Variants in HCK observed in about 807,000 individuals in gnomAD.
HCK encodes HCK proto-oncogene, Src family tyrosine kinase.
In HCK, 40 loss-of-function variants were observed where a neutral mutation model predicts 70.4. The observed-to-expected ratio is 0.57, with a 90% CI of 0.44 to 0.74. The LOEUF (loss-of-function observed/expected upper bound fraction) is 0.74. HCK is among the 30% of genes least tolerant of loss of function. The pLI is 0.00. For missense variants in HCK, 568 were observed against 697.2 expected, an observed-to-expected ratio of 0.81 and a Z score of 2.09; for synonymous variants, 245 against 263.2, an observed-to-expected ratio of 0.93 and a Z score of 0.67.
In HCK at chr20:32,097,370, G is replaced by A. The variant is rs191813878; in HGVS notation, c.1247-1634G>A. On this transcript the variant is annotated intron_variant, in intron 11 of 12. Transcript: ENST00000375852. ...TGAGGTGGGAGGATCACGAGGTCAGGAGATCGAGACCATCCTGGCTAACAC... is the reference window on the plus strand; with the variant it reads ...TGAGGTGGGAGGATCACGAGGTCAGAAGATCGAGACCATCCTGGCTAACAC... Among the ~76,000 whole-genome samples, 951 of 152,180 alleles carry A rather than the reference G, an allele frequency of 6.2e-3. 34 individuals are homozygous for A. Among genetic ancestry groups the A allele is most frequent in the Admixed American group, 0.053 (815 of 15,274 alleles).
chr20:32,088,389 A>G (rs1215083845), intron 9 of HCK, among the ~76,000 whole-genome samples, 179 bp from the exon 10 acceptor site: 1 of 152,208 alleles, frequency 6.6e-6, no homozygotes, highest in Admixed American at 6.5e-5. Flanking sequence ...AAGTCACTTC[A>G]CTAAAACTCA....
At chr20:32,067,769 C>G (rs2045480657) in intron 1 of HCK, among the ~76,000 whole-genome samples, 1 of 151,800 alleles carries the variant, frequency 6.6e-6, no homozygotes, top group African/African-American at 2.4e-5. Flanking sequence ...TGGCTCTGAG[C>G]CACAGACGGC....
chr20:32,074,490 T>G, intron 4 of HCK, 133 bp from the exon 5 acceptor site: 1 of 678,946 alleles, frequency 1.5e-6, no homozygotes, highest in South Asian at 1.7e-5. Flanking sequence ...GGGGCTGACA[T>G]AGTCACAGCC....
intron 11 of HCK, among the ~76,000 whole-genome samples, chr20:32,097,061 C>T (rs966132751): frequency 6.6e-6 from 1 of 152,068 alleles, no homozygotes; most frequent in Admixed American, 6.6e-5. Flanking sequence ...GGGCAGATTG[C>T]TTGAGCCCAG....
At chr20:32,076,902 A>G (rs925017320) in intron 5 of HCK, among the ~76,000 whole-genome samples, 1 of 152,050 alleles carries the variant, frequency 6.6e-6, no homozygotes, top group African/African-American at 2.4e-5. Flanking sequence ...CCTGGCCTAC[A>G]TGGTGATACC....
rs2045289094 is a variant in HCK, at chr20:32,057,408, T to C, written c.62+4922T>C. On this transcript the variant is annotated intron_variant, in intron 1 of 12. Transcript: ENST00000375852. ...TGAGCTCAGGAGTTCGAGACCAGCC[T>C]GGGTAACATGGCAAAACCCTGTCTC... 3.3e-5 allele frequency among the ~76,000 whole-genome samples: 5 copies of C among 152,154 alleles called. No homozygotes were observed. In the South Asian group the frequency reaches 1.0e-3, roughly 32 times the overall value.
At chr20:32,069,759 C>T (rs2045511181) in intron 1 of HCK, 3 of 1,278,984 alleles carry the variant, frequency 2.3e-6, no homozygotes, top group Non-Finnish European at 3.1e-6. Flanking sequence ...GAGGTAAATC[C>T]TTGTAAATAA....
chr20:32,062,576 G>A (rs1234490544), intron 1 of HCK, among the ~76,000 whole-genome samples: 1 of 152,188 alleles, frequency 6.6e-6, no homozygotes, highest in Non-Finnish European at 1.5e-5. Context: ...TCGCCATCGT[G>A]TGAGCCAGGG....
chr20:32,059,421 C>CTT (rs1421429584), intron 1 of HCK, among the ~76,000 whole-genome samples: 2 of 148,106 alleles, frequency 1.4e-5, no homozygotes, highest in African/African-American at 2.5e-5. Context: ...CTCTCTCTCT[C>CTT]TTTCTTTCTT....
chr20:32,066,177 C>T (rs2045454078), intron 1 of HCK, among the ~76,000 whole-genome samples: 1 of 152,096 alleles, frequency 6.6e-6, no homozygotes, highest in Non-Finnish European at 1.5e-5. Flanking sequence ...ACCTTCACCC[C>T]ATCCCCTGTT....
chr20:32,096,506 A>G (rs1293859168), intron 11 of HCK, among the ~76,000 whole-genome samples: 2 of 151,414 alleles, frequency 1.3e-5, no homozygotes, highest in Non-Finnish European at 3.0e-5. Flanking sequence ...TCTCAAAAAA[A>G]AAAAAAAAAA....
intron 3 of HCK, among the ~76,000 whole-genome samples, 161 bp downstream of exon 3, chr20:32,073,522 A>T (rs1259618833): frequency 6.6e-6 from 1 of 152,228 alleles, no homozygotes; most frequent in Non-Finnish European, 1.5e-5. Context: ...TGTTTCTAGA[A>T]CGCTGTTTAG....
chr20:32,088,561 C>G lies in HCK; in HGVS notation c.1016-7C>G, dbSNP rs201979534. On this transcript the variant is annotated splice_region_variant and splice_polypyrimidine_tract_variant and intron_variant, in intron 9 of 12. Transcript: ENST00000375852. The stretch of plus-strand genomic sequence containing the variant: ...TAGTAAATGTTCCTCCCCTCTCCCC[C>G]ATATAGGAAGCTTGCTGGACTTTCT... 2 of 1,608,912 alleles carry G rather than the reference C, an allele frequency of 1.2e-6. No homozygotes were observed. Among genetic ancestry groups the G allele is most frequent in the Non-Finnish European group, 1.7e-6 (2 of 1,177,894 alleles).
At chr20:32,095,454 A>C (rs1431427072) in intron 11 of HCK, among the ~76,000 whole-genome samples, 1 of 152,128 alleles carries the variant, frequency 6.6e-6, no homozygotes, top group Non-Finnish European at 1.5e-5. Context: ...ACAGGGTTTC[A>C]CCATGTTGGC....
chr20:32,082,459 T>C (rs1417447074), intron 6 of HCK, among the ~76,000 whole-genome samples: 1 of 151,962 alleles, frequency 6.6e-6, no homozygotes, highest in Non-Finnish European at 1.5e-5. Context: ...CTGGCCAGCA[T>C]GGTGAAACTC....
intron 1 of HCK, among the ~76,000 whole-genome samples, chr20:32,057,576 G>A (rs577296581): frequency 1.3e-5 from 2 of 152,240 alleles, no homozygotes; most frequent in Admixed American, 1.3e-4. Context: ...CTCCAGCCTG[G>A]GTGACAGAGC....
rs771503854 is a variant in HCK, at chr20:32,086,686, G to A, written c.894G>A (p.Ser298=). Residue 298 remains serine (S), a synonymous_variant, in exon 9 of 13, where the codon TCG becomes TCA. Transcript: ENST00000375852. ...AGACGATGAAGCCAGGGAGCATGTC[G>A]GTGGAGGCCTTCCTGGCAGAGGCCA... The A allele has an allele frequency of 9.9e-6, 16 of 1,613,226 alleles. No homozygotes were observed. Among genetic ancestry groups the A allele is most frequent in the East Asian group, 2.2e-5 (1 of 44,740 alleles).
intron 6 of HCK, among the ~76,000 whole-genome samples, chr20:32,080,886 G>A (rs966300830): frequency 6.6e-6 from 1 of 151,968 alleles, no homozygotes; most frequent in South Asian, 2.1e-4. Context: ...CCAAAAGTTC[G>A]AGACCAGCCT....
intron 1 of HCK, among the ~76,000 whole-genome samples, chr20:32,071,317 C>T (rs2045535571): frequency 6.6e-6 from 1 of 152,194 alleles, no homozygotes; most frequent in Non-Finnish European, 1.5e-5. Flanking sequence ...GACCTGAGAG[C>T]TGGCAGTGCC....
Sources: allele counts gnomAD v4.1 joint callset (sites outside exome capture counted in the v4.1 genomes callset), GRCh38; gene constraint gnomAD v4.1.1; transcripts MANE v1.5; gene names NCBI Gene and HGNC (gene_info 2026-07-23, HGNC 2026-07-21).